MLH3: variants seen among roughly 807,000 people sequenced by gnomAD.
The protein encoded by MLH3 is DNA mismatch repair protein Mlh3.
In MLH3, 82 loss-of-function variants were observed where a neutral mutation model predicts 122.2. That is an observed-to-expected ratio of 0.67 (90% CI 0.56 to 0.81). The LOEUF (loss-of-function observed/expected upper bound fraction) is 0.81, where lower values mean the gene tolerates loss of function less well. Among genes scored for constraint, MLH3 ranks in the 30% least tolerant of loss-of-function variants. The pLI, the probability that MLH3 is intolerant of heterozygous loss-of-function variation, is 0.00. For missense variants in MLH3, 1,539 were observed against 1,714.5 expected (o/e 0.90, Z 1.81); for synonymous variants, 524 against 599.5 (o/e 0.87, Z 1.84).
At chr14:75,027,462 G>A (rs1177686761) in intron 9 of MLH3, among the ~76,000 whole-genome samples, 2 of 151,804 alleles carry the variant, frequency 1.3e-5, no homozygotes, top group Non-Finnish European at 2.9e-5. Context: ...GTTTCACCAC[G>A]TTGGCCAGGC....
Position 75,030,531 on chromosome 14 carries a change from G to T in MLH3, c.3987+12C>A, listed in dbSNP as rs752403053. 3 of 1,613,412 alleles carry T rather than the reference G, an allele frequency of 1.9e-6. No homozygotes were observed. The highest frequency in any genetic ancestry group is 2.5e-6 in the Non-Finnish European group (3 of 1,179,368). On this transcript the variant is annotated intron_variant, in intron 9 of 12. Transcript: ENST00000355774. ...CTCAGCAATTTCCTTAACATCTGCA[G>T]CTGTGTCTTACCTCCACAATACTCT...
intron 11 of MLH3, among the ~76,000 whole-genome samples, chr14:75,022,404 T>C (rs1442426343): frequency 6.6e-6 from 1 of 152,254 alleles, no homozygotes; most frequent in Non-Finnish European, 1.5e-5. Context: ...TCTAGGTTTC[T>C]GTTCTCTTAC....
rs1891860805 is a variant in MLH3 at position 75,041,606 on chromosome 14, C to G, written c.3465+9G>C. 1 of 1,607,384 alleles carries G rather than the reference C, an allele frequency of 6.2e-7. No individual in the cohort carries two copies. Among genetic ancestry groups the G allele is most frequent in the African/African-American group, 1.3e-5 (1 of 74,732 alleles). ...AAAAAAAGGCAAAGAAAAACTGCTA[C>G]AGACCCACCTCTGGATAACGGGCAA... On this transcript the variant is annotated intron_variant, in intron 4 of 12. Transcript: ENST00000355774.
chr14:75,040,583 G>A (rs1223946268), intron 4 of MLH3, among the ~76,000 whole-genome samples: 1 of 147,662 alleles, frequency 6.8e-6, no homozygotes, highest in East Asian at 2.0e-4. Context: ...ACAACAATTT[G>A]TCTATGTTCC....
At chr14:75,045,408 T>C (rs932197384) in intron 2 of MLH3, among the ~76,000 whole-genome samples, 6 of 152,236 alleles carry the variant, frequency 3.9e-5, no homozygotes, top group Admixed American at 2.0e-4. Flanking sequence ...GATTTTACCA[T>C]ATGCATTATA....
intron 12 of MLH3, among the ~76,000 whole-genome samples, chr14:75,018,555 C>G (rs1010018078): frequency 3.9e-5 from 6 of 152,146 alleles, no homozygotes; most frequent in Admixed American, 2.0e-4. Context: ...AGCCAGCAGG[C>G]AATAGATATT....
At chr14:75,042,258 G>A (rs902807909) in intron 3 of MLH3, 121 bp downstream of exon 3, 10 of 841,468 alleles carry the variant, frequency 1.2e-5, no homozygotes, top group Non-Finnish European at 1.8e-5. Context: ...GGGCCGTGGG[G>A]AATTCCTGAT....
intron 9 of MLH3, among the ~76,000 whole-genome samples, chr14:75,024,097 T>C (rs1890466559): frequency 6.6e-6 from 1 of 152,352 alleles, no homozygotes; most frequent in Non-Finnish European, 1.5e-5. Flanking sequence ...GTAAGCTTAG[T>C]GAAGGGGTGA....
At chr14:75,040,128 T>G (rs983193274) in intron 4 of MLH3, 113 bp from the exon 5 acceptor site, 1 of 598,736 alleles carries the variant, frequency 1.7e-6, no homozygotes, top group African/African-American at 1.9e-5. Flanking sequence ...CTACTAGAGG[T>G]GGGTTTAATT....
At chr14:75,049,762 G>A (rs1290496078) in intron 1 of MLH3, 44 bp from the exon 2 acceptor site, 12 of 1,047,158 alleles carry the variant, frequency 1.1e-5, no homozygotes, top group Non-Finnish European at 1.7e-5. Context: ...CAAAGCTTTA[G>A]CATTACACAG....
intron 7 of MLH3, among the ~76,000 whole-genome samples, 193 bp downstream of exon 7, chr14:75,033,226 C>T (rs1891168851): frequency 6.6e-6 from 1 of 152,140 alleles, no homozygotes; most frequent in South Asian, 2.1e-4. Flanking sequence ...TAAATAAGTT[C>T]ACATCTTTCA....
chr14:75,033,164 T>C (rs540223697), intron 7 of MLH3, among the ~76,000 whole-genome samples: 13 of 152,232 alleles, frequency 8.5e-5, no homozygotes, highest in Admixed American at 3.9e-4. Context: ...CAGCCTATCC[T>C]TGCGTACTTC....
chr14:75,040,732 G>A (rs559101175), intron 4 of MLH3, among the ~76,000 whole-genome samples: 1 of 152,188 alleles, frequency 6.6e-6, no homozygotes, highest in South Asian at 2.1e-4. Context: ...GGCCAATGAG[G>A]AACTGTTCCT....
chr14:75,020,458 G>C (rs1890201732), intron 11 of MLH3, among the ~76,000 whole-genome samples: 1 of 152,206 alleles, frequency 6.6e-6, no homozygotes, highest in African/African-American at 2.4e-5. Flanking sequence ...AAAAATGAGG[G>C]AGGAGCCAGA....
chr14:75,048,745 C>A lies in MLH3; in HGVS notation c.911G>T (p.Gly304Val), dbSNP rs540533901. Residue 304 changes from glycine to valine, a missense_variant, in exon 2 of 13, where the codon GGC becomes GTC. By Grantham distance (109) the Gly-to-Val change is moderately radical (BLOSUM62 -3). Transcript: ENST00000355774. ...LRHRSTPELYGIYVINVQCQF... is the reference protein window; with the variant it reads ...LRHRSTPELYVIYVINVQCQF... ...GCACTGCACATTAATTACATATATG[C>A]CATAGAGTTCTGGGGTAGACCGGTG... is the stretch of plus-strand genomic sequence containing the variant. 65 of 1,614,086 alleles carry A rather than the reference C, an allele frequency of 4.0e-5. No homozygotes were observed. The South Asian group carries it at 6.9e-4, about 17-fold the overall frequency.
intron 12 of MLH3, among the ~76,000 whole-genome samples, chr14:75,018,549 A>G (rs1436042367): frequency 6.6e-6 from 1 of 152,268 alleles, no homozygotes; most frequent in Non-Finnish European, 1.5e-5. Flanking sequence ...ACCTAGAGCC[A>G]GCAGGCAATA....
intron 9 of MLH3, among the ~76,000 whole-genome samples, chr14:75,027,591 A>C (rs1433844032): frequency 7.4e-6 from 1 of 134,932 alleles, no homozygotes; most frequent in Non-Finnish European, 1.5e-5. Context: ...ACTTCTATTT[A>C]TTTTTATATT....
chr14:75,047,067 A>C lies in MLH3; in HGVS notation c.2589T>G (p.Pro863=), dbSNP rs750101804. 6.2e-6 allele frequency: 10 copies of C among 1,614,152 alleles called. No homozygotes were observed. The highest frequency in any genetic ancestry group is 6.8e-6 in the Non-Finnish European group (8 of 1,180,006). The change falls in exon 2 of 13, where the codon CCT becomes CCG. Residue 863 remains proline (P), a synonymous_variant. Transcript: ENST00000355774. Reference sequence around the variant, plus strand: ...ATTCAGATGACTTCTCAAGGTCCAAAGGTTTTCTATTAAAGAGAGATAACT... The same window carrying C: ...ATTCAGATGACTTCTCAAGGTCCAACGGTTTTCTATTAAAGAGAGATAACT... The part of the protein sequence containing the change: ...LKELSLFNRK[P]LDLEKSSESL...
At chr14:75,020,376 G>T (rs1434889051) in intron 11 of MLH3, among the ~76,000 whole-genome samples, 3 of 152,206 alleles carry the variant, frequency 2.0e-5, no homozygotes, top group Non-Finnish European at 2.9e-5. Flanking sequence ...TCCTCTGGGT[G>T]CTGAGAGAAG....
Sources: allele counts gnomAD v4.1 joint callset (sites outside exome capture counted in the v4.1 genomes callset), GRCh38; gene constraint gnomAD v4.1.1; transcripts MANE v1.5; gene names NCBI Gene and HGNC (gene_info 2026-07-23, HGNC 2026-07-21).